The following CSMD1 variants were observed in gnomAD, a reference collection of about 807,000 sequenced individuals.
The protein encoded by CSMD1 is CUB and Sushi multiple domains 1.
CSMD1 carries 213 observed loss-of-function variants against 417.5 expected under a neutral mutation model. The observed-to-expected ratio is 0.51, with a 90% CI of 0.46 to 0.57. The LOEUF (loss-of-function observed/expected upper bound fraction) is 0.57, where lower values mean the gene tolerates loss of function less well. CSMD1 is among the 20% of genes least tolerant of loss of function. The pLI is 0.00. For missense variants in CSMD1, 6,923 were observed against 4,529.7 expected (o/e 1.53, Z -15.17); for synonymous variants, 2,862 against 1,736.8 (o/e 1.65, Z -16.11).
At chr8:3,650,434 G>A (rs1263798749) in intron 7 of CSMD1, among the ~76,000 whole-genome samples, 3 of 152,120 alleles carry the variant, frequency 2.0e-5, no homozygotes, top group African/African-American at 4.8e-5. Flanking sequence ...TAAATACTAT[G>A]AATAGGAAAA....
At chr8:3,945,615 TG>T (rs1811173790) in intron 5 of CSMD1, among the ~76,000 whole-genome samples, 1 of 152,154 alleles carries the variant, frequency 6.6e-6, no homozygotes, top group Non-Finnish European at 1.5e-5. Flanking sequence ...GGCAAACTAA[TG>T]TACTGGTTAA....
chr8:4,966,475 T>C (rs1809865176), intron 1 of CSMD1, among the ~76,000 whole-genome samples: 1 of 152,124 alleles, frequency 6.6e-6, no homozygotes, highest in Non-Finnish European at 1.5e-5. Flanking sequence ...CACTTCCAGA[T>C]CTCAATGGGA....
intron 5 of CSMD1, among the ~76,000 whole-genome samples, chr8:3,954,394 G>C (rs908665278): frequency 3.3e-5 from 5 of 151,982 alleles, no homozygotes; most frequent in African/African-American, 1.2e-4. Flanking sequence ...ACGGAGTCTC[G>C]CTCTGCTGCC....
intron 6 of CSMD1, among the ~76,000 whole-genome samples, chr8:3,741,270 T>G (rs942504318): frequency 1.4e-5 from 2 of 142,808 alleles, no homozygotes; most frequent in African/African-American, 2.6e-5. Context: ...AGAGGAGGTA[T>G]GACTCCATGC....
chr8:4,409,476 C>G (rs536126431), intron 3 of CSMD1, among the ~76,000 whole-genome samples: 1 of 152,144 alleles, frequency 6.6e-6, no homozygotes, highest in Admixed American at 6.6e-5. Context: ...GCCTATCTAC[C>G]TAAGTTGATA....
chr8:3,285,964 C>T (rs1335038611), intron 25 of CSMD1, among the ~76,000 whole-genome samples: 1 of 152,062 alleles, frequency 6.6e-6, no homozygotes, highest in Non-Finnish European at 1.5e-5. Context: ...GATAAATTTC[C>T]TAATGCTATC....
chr8:4,093,833 T>C (rs1404683475), intron 3 of CSMD1, among the ~76,000 whole-genome samples: 1 of 152,050 alleles, frequency 6.6e-6, no homozygotes, highest in Non-Finnish European at 1.5e-5. Flanking sequence ...TGGTGGTGCA[T>C]GCCTGTAATC....
chr8:3,880,037 C>T (rs777546390), intron 5 of CSMD1, among the ~76,000 whole-genome samples: 1 of 149,632 alleles, frequency 6.7e-6, no homozygotes, highest in Non-Finnish European at 1.5e-5. Context: ...ATAAAATCCT[C>T]GAAGATTATA....
chr8:3,757,941 G>C (rs941047208), intron 5 of CSMD1, among the ~76,000 whole-genome samples: 5 of 151,914 alleles, frequency 3.3e-5, no homozygotes, highest in African/African-American at 1.2e-4. Context: ...TGTAATTCAG[G>C]TTTAAAAAAA....
intron 1 of CSMD1, among the ~76,000 whole-genome samples, chr8:4,691,740 G>T (rs1057387096): frequency 6.6e-5 from 10 of 152,170 alleles, no homozygotes; most frequent in African/African-American, 9.7e-5. Flanking sequence ...ACTACATTGG[G>T]AATCTGTAGC....
intron 37 of CSMD1, among the ~76,000 whole-genome samples, chr8:3,166,939 T>G (rs1820258682): frequency 6.6e-6 from 1 of 152,232 alleles, no homozygotes; most frequent in Non-Finnish European, 1.5e-5. Context: ...ATACATATGC[T>G]TCATACCATA....
At chr8:3,344,966 C>T (rs969253614) in intron 22 of CSMD1, among the ~76,000 whole-genome samples, 38 of 152,220 alleles carry the variant, frequency 2.5e-4, no homozygotes, top group Middle Eastern at 3.4e-3. Context: ...TTTTATTAGA[C>T]GAGCCGGGGT....
At chr8:4,049,161 T>C (rs1049867685) in intron 3 of CSMD1, among the ~76,000 whole-genome samples, 2 of 152,166 alleles carry the variant, frequency 1.3e-5, no homozygotes, top group African/African-American at 4.8e-5. Context: ...TGAACTTTAA[T>C]TGTAACATCA....
intron 2 of CSMD1, among the ~76,000 whole-genome samples, chr8:4,573,616 G>T (rs553806801): frequency 6.6e-6 from 1 of 152,078 alleles, no homozygotes; most frequent in African/African-American, 2.4e-5. Flanking sequence ...CCCACTTGAG[G>T]GGGCGGTCTT....
intron 36 of CSMD1, among the ~76,000 whole-genome samples, chr8:3,183,355 T>C (rs976781925): frequency 6.8e-6 from 1 of 147,198 alleles, no homozygotes; most frequent in Non-Finnish European, 1.5e-5. Context: ...GTCTCTAATG[T>C]TTCTTAACGA....
chr8:3,578,528 C>T (rs1800247587), intron 9 of CSMD1, among the ~76,000 whole-genome samples: 1 of 152,134 alleles, frequency 6.6e-6, no homozygotes, highest in Admixed American at 6.5e-5. Flanking sequence ...GCTTTGTCGC[C>T]TATTGGGGGG....
chr8:3,264,854 C>T (rs1342315142), intron 26 of CSMD1, among the ~76,000 whole-genome samples: 2 of 133,814 alleles, frequency 1.5e-5, no homozygotes, highest in African/African-American at 5.6e-5. Flanking sequence ...TGTGGGTGGG[C>T]TGTGTGTGGG....
chr8:4,736,464 G>C (rs1053262129), intron 1 of CSMD1, among the ~76,000 whole-genome samples: 1 of 152,026 alleles, frequency 6.6e-6, no homozygotes, highest in African/African-American at 2.4e-5. Context: ...CCCTCAGGTG[G>C]GCAAATACAA....
intron 1 of CSMD1, among the ~76,000 whole-genome samples, chr8:4,925,537 C>CTTTTTTTTTTTTTTT (rs113682113): frequency 6.9e-6 from 1 of 145,910 alleles, no homozygotes; most frequent in African/African-American, 2.5e-5. Context: ...CTGGCATTTT[C>CTTTTTTTTTTTTTTT]TTTTTTTTTT....
Sources: gnomAD v4.1 joint callset for allele counts (sites outside exome capture counted in the v4.1 genomes callset) on GRCh38, gnomAD v4.1.1 for gene constraint, MANE v1.5 for transcripts, NCBI Gene and HGNC (gene_info 2026-07-23, HGNC 2026-07-21) for gene names.